URB2: variants seen among roughly 807,000 people sequenced by gnomAD.
The protein encoded by URB2 is URB2 ribosome biogenesis homolog.
URB2 carries 86 observed loss-of-function variants against 120.9 expected under a neutral mutation model. That is an observed-to-expected ratio of 0.71 (90% CI 0.60 to 0.85). The LOEUF (loss-of-function observed/expected upper bound fraction) is 0.85, where lower values mean the gene tolerates loss of function less well. URB2 is among the 40% of genes least tolerant of loss of function. URB2 has a pLI of 0.00. For missense variants in URB2, 1,765 were observed against 1,836.5 expected (o/e 0.96, Z 0.71); for synonymous variants, 755 against 758.4 (o/e 1.00, Z 0.07).
intron 4 of URB2, among the ~76,000 whole-genome samples, chr1:229,642,178 A>G (rs530150464): frequency 6.6e-6 from 1 of 152,208 alleles, no homozygotes; most frequent in African/African-American, 2.4e-5. Flanking sequence ...GAGCGATGGG[A>G]CTCGGTGGAG....
At chr1:229,653,670 T>C (rs1666334490) in intron 8 of URB2, among the ~76,000 whole-genome samples, 1 of 152,152 alleles carries the variant, frequency 6.6e-6, no homozygotes, top group African/African-American at 2.4e-5. Flanking sequence ...CCCTGGACGG[T>C]CCTGACACCA....
At chr1:229,656,713 C>T (rs1666415229) in intron 9 of URB2, among the ~76,000 whole-genome samples, 1 of 152,136 alleles carries the variant, frequency 6.6e-6, no homozygotes, top group African/African-American at 2.4e-5. Context: ...GGGAAGACGA[C>T]CTGGTGAGAT....
At chr1:229,645,786 C>CT in intron 5 of URB2, 73 bp from the exon 6 acceptor site, 1 of 1,320,974 alleles carries the variant, frequency 7.6e-7, no homozygotes, top group Non-Finnish European at 1.1e-6. Context: ...AGAGAGCAGT[C>CT]TTCTTCCCCA....
At chr1:229,649,794 C>T (rs1666226070) in intron 7 of URB2, among the ~76,000 whole-genome samples, 1 of 152,164 alleles carries the variant, frequency 6.6e-6, no homozygotes. Context: ...CATGGCTTAG[C>T]TTGTTCAATC....
At position 229,635,816 on chromosome 1, in the gene URB2, A is replaced by G; in HGVS notation, c.1203A>G (p.Ala401=). The change falls in exon 4 of 10, where the codon GCA becomes GCG. Residue 401 remains alanine, a synonymous_variant. Transcript: ENST00000258243. ...RHVAELLINH[A]QAPIPAWFRC... ...TGGCTGAGCTGCTGATAAACCATGC[A>G]CAAGCACCCATACCGGCCTGGTTCC... The G allele has an allele frequency of 1.2e-6, 2 of 1,614,118 alleles. No individual in the cohort carries two copies. The highest frequency in any genetic ancestry group is 1.7e-6 in the Non-Finnish European group (2 of 1,179,982).
Position 229,654,362 on chromosome 1 carries a change from G to A in URB2, c.4351G>A (p.Ala1451Thr). The change falls in exon 9 of 10, where the codon GCC becomes ACC. Residue 1451 changes from alanine (A) to threonine (T), a missense_variant. Physicochemically the swap from Ala to Thr is moderately conservative, Grantham distance 58 (BLOSUM62 0). Transcript: ENST00000258243. ...TGCTGTGTTTTCCCCATTTATGGTGGCCCAGTACGTGTTGGAGGTACAGAA... is the reference window on the plus strand; with the variant it reads ...TGCTGTGTTTTCCCCATTTATGGTGACCCAGTACGTGTTGGAGGTACAGAA... ...EFAVFSPFMV[A>T]QYVLEVQKVT... 4 of 1,614,166 alleles carry A rather than the reference G, an allele frequency of 2.5e-6. No homozygotes were observed. The South Asian group carries it at 3.3e-5, about 13-fold the overall frequency.
At chr1:229,653,581 A>G (rs6666416) in intron 8 of URB2, among the ~76,000 whole-genome samples, 83,490 of 151,990 alleles carry the variant, frequency 0.55, 23,292 homozygotes, top group East Asian at 0.87. Flanking sequence ...GGTGTGTGCT[A>G]GAACTTCCCC....
chr1:229,649,305 A>G (rs985951556), intron 7 of URB2, among the ~76,000 whole-genome samples: 1 of 152,192 alleles, frequency 6.6e-6, no homozygotes, highest in African/African-American at 2.4e-5. Flanking sequence ...ATTGCCTTTG[A>G]CCCTATTTAT....
intron 7 of URB2, 140 bp downstream of exon 7, chr1:229,647,892 A>G (rs1666190774): frequency 7.2e-7 from 1 of 1,380,974 alleles, no homozygotes; most frequent in East Asian, 2.5e-5. Context: ...TTTCTGTTCT[A>G]GTAAATTTCA....
chr1:229,655,945 T>C (rs1042226281), intron 9 of URB2, among the ~76,000 whole-genome samples: 10 of 152,202 alleles, frequency 6.6e-5, no homozygotes, highest in African/African-American at 2.4e-4. Flanking sequence ...CTAAATAATT[T>C]CTACCCCGCT....
chr1:229,638,982 T>C (rs1250759198), intron 4 of URB2, among the ~76,000 whole-genome samples: 1 of 152,122 alleles, frequency 6.6e-6, no homozygotes, highest in Non-Finnish European at 1.5e-5. Context: ...TGCCATAAAT[T>C]GACTTTAAAA....
chr1:229,647,683 G>T lies in URB2; in HGVS notation c.4080G>T (p.Pro1360=). 6.2e-7 allele frequency: 1 copy of T among 1,614,100 alleles called. No individual in the cohort carries two copies. The highest frequency in any genetic ancestry group is 1.7e-5 in the Admixed American group (1 of 60,012). The stretch of plus-strand genomic sequence containing the variant: ...CTGTCCCTTTGGACCATCTGAAGCC[G>T]CTGGAGTATGGAAGCGTCTTCCCGA... ...LLTVPLDHLK[P]LEYGSVFPRL... Residue 1360 remains proline, a synonymous_variant, in exon 7 of 10, where the codon CCG becomes CCT. Coordinates refer to ENST00000258243, the MANE Select transcript of URB2 (RefSeq NM_014777.4).
intron 9 of URB2, among the ~76,000 whole-genome samples, chr1:229,657,839 G>A (rs1284792377): frequency 1.3e-5 from 2 of 152,156 alleles, no homozygotes; most frequent in Admixed American, 1.3e-4. Flanking sequence ...CTTTAGGAAT[G>A]TACTTCCCAG....
chr1:229,645,709 C>A (rs1423621174), intron 5 of URB2, 150 bp from the exon 6 acceptor site: 1 of 694,418 alleles, frequency 1.4e-6, no homozygotes, highest in East Asian at 2.5e-5. Context: ...CAGGACTTAA[C>A]CCCAAGCAGG....
chr1:229,647,930 A>G (rs1182433819), intron 7 of URB2, among the ~76,000 whole-genome samples, 178 bp downstream of exon 7: 1 of 152,256 alleles, frequency 6.6e-6, no homozygotes, highest in Non-Finnish European at 1.5e-5. Flanking sequence ...AAGCATAAAA[A>G]TGCTCGACCT....
intron 8 of URB2, among the ~76,000 whole-genome samples, chr1:229,652,345 G>A (rs1429372644): frequency 6.6e-6 from 1 of 152,234 alleles, no homozygotes; most frequent in Non-Finnish European, 1.5e-5. Flanking sequence ...AACTCGGGGT[G>A]TCAGAGAAGA....
intron 2 of URB2, among the ~76,000 whole-genome samples, chr1:229,628,322 G>A (rs1259346490): frequency 7.3e-6 from 1 of 137,458 alleles, no homozygotes; most frequent in Non-Finnish European, 1.5e-5. Flanking sequence ...TTGGGAGGCT[G>A]AGGTGGGAGG....
At position 229,643,705 on chromosome 1, in the gene URB2, C is replaced by G. The variant is rs1181152819; in HGVS notation, c.3795+12C>G. 4.4e-6 allele frequency: 7 copies of G among 1,607,878 alleles called. No homozygotes were observed. The highest frequency in any genetic ancestry group is 5.1e-6 in the Non-Finnish European group (6 of 1,176,690). ...AAGCAGATGTGCAGGTGGGTGCCTT[C>G]TCCCTCCTTGTGTGGCAGGCTCAGA... On this transcript the variant is annotated intron_variant, in intron 5 of 9. Transcript: ENST00000258243.
At chr1:229,633,908 T>C (rs1665729129) in intron 3 of URB2, among the ~76,000 whole-genome samples, 1 of 152,146 alleles carries the variant, frequency 6.6e-6, no homozygotes, top group African/African-American at 2.4e-5. Context: ...CTTGGCTCAC[T>C]GGAACCTCTG....
Sources: allele counts gnomAD v4.1 joint callset (sites outside exome capture counted in the v4.1 genomes callset), GRCh38; gene constraint gnomAD v4.1.1; transcripts MANE v1.5; gene names NCBI Gene and HGNC (gene_info 2026-07-23, HGNC 2026-07-21).